WDR17: variants seen among roughly 807,000 people sequenced by gnomAD.
WDR17 encodes the protein WD repeat-containing protein 17.
A neutral mutation model predicts 161.7 loss-of-function variants in WDR17; 143 were observed. The ratio of observed to expected loss-of-function variants is 0.88; its 90% CI spans 0.77 to 1.02. The LOEUF is 1.02. WDR17 is among the 50% of genes least tolerant of loss of function. The pLI is 0.00. For synonymous variants in WDR17, 517 were observed against 515.6 expected (o/e 1.00, Z -0.04); for missense variants, 1,469 against 1,520.9 (o/e 0.97, Z 0.57).
intron 1 of WDR17, among the ~76,000 whole-genome samples, chr4:176,104,686 G>A (rs1738405678): frequency 6.6e-6 from 1 of 151,992 alleles, no homozygotes; most frequent in Non-Finnish European, 1.5e-5. Flanking sequence ...TGTAACTTTA[G>A]CATGTTAAGT....
At chr4:176,129,726 G>A (rs1561145603) in intron 6 of WDR17, among the ~76,000 whole-genome samples, 3 of 152,150 alleles carry the variant, frequency 2.0e-5, no homozygotes, top group African/African-American at 4.8e-5. Context: ...ATGGCAAGTA[G>A]TAGAAAATCT....
chr4:176,163,965 G>A (rs1210158756), intron 22 of WDR17, among the ~76,000 whole-genome samples: 1 of 152,032 alleles, frequency 6.6e-6, no homozygotes. Context: ...CAAATACTTA[G>A]GATCTCAAGA....
intron 25 of WDR17, 124 bp downstream of exon 25, chr4:176,173,493 ATAT>A (rs1751036614): frequency 1.8e-6 from 1 of 570,012 alleles, no homozygotes; most frequent in Non-Finnish European, 3.0e-6. Context: ...ACTTGTAGAA[ATAT>A]TATATTTTTG....
At chr4:176,173,863 A>T (rs1022077195) in intron 25 of WDR17, among the ~76,000 whole-genome samples, 95 of 151,442 alleles carry the variant, frequency 6.3e-4, no homozygotes, top group African/African-American at 2.2e-3. Flanking sequence ...CTTGAAACAG[A>T]GTATTAAATA....
chr4:176,106,021 AC>A (rs1331116369), intron 1 of WDR17, among the ~76,000 whole-genome samples: 16 of 152,060 alleles, frequency 1.1e-4, no homozygotes, highest in Admixed American at 6.5e-4. Context: ...GAAATTAAAA[AC>A]GTTATAAGAT....
chr4:176,161,996 A>G, intron 20 of WDR17, 79 bp from the exon 21 acceptor site: 1 of 1,227,404 alleles, frequency 8.1e-7, no homozygotes, highest in Non-Finnish European at 1.1e-6. Flanking sequence ...TCTTTTTATC[A>G]TACCTTTTAA....
intron 1 of WDR17, among the ~76,000 whole-genome samples, chr4:176,085,604 ATTC>A (rs1735325671): frequency 6.6e-6 from 1 of 152,022 alleles, no homozygotes; most frequent in South Asian, 2.1e-4. Context: ...TGGATATAGT[ATTC>A]TTATTTTTTT....
At chr4:176,178,066 A>T (rs1751731744) in intron 28 of WDR17, among the ~76,000 whole-genome samples, 1 of 146,090 alleles carries the variant, frequency 6.8e-6, no homozygotes. Flanking sequence ...CAGCTTATTG[A>T]GCAGATTCTT....
intron 13 of WDR17, among the ~76,000 whole-genome samples, chr4:176,149,580 G>A (rs971189011): frequency 1.3e-5 from 2 of 151,874 alleles, no homozygotes; most frequent in Admixed American, 1.3e-4. Context: ...GCCTCTAATG[G>A]TTATTCAATT....
Position 176,151,972 on chromosome 4 carries a change from T to G in WDR17, c.2460+5T>G. ...CTTATGGTTGAACTTGGAGAGGTAATGTGCTATGAAAGTAAAACTAATGAG... is the reference window on the plus strand; with the variant it reads ...CTTATGGTTGAACTTGGAGAGGTAAGGTGCTATGAAAGTAAAACTAATGAG... On this transcript the variant is annotated splice_donor_5th_base_variant and intron_variant, in intron 17 of 28. Transcript: ENST00000508596. The G allele has an allele frequency of 6.2e-7, 1 of 1,609,820 alleles. No homozygotes were observed. Among genetic ancestry groups the G allele is most frequent in the Non-Finnish European group, 8.5e-7 (1 of 1,178,966 alleles).
chr4:176,162,156 T>A lies in WDR17; in HGVS notation c.2832T>A (p.Leu944=). ...GRAVLAACCH[L]AIDNIELAMA... ...CAGTACTAGCCGCATGTTGCCATCT[T>A]GCCATAGATAATATTGAGGTACGAC... Residue 944 remains leucine (L), a synonymous_variant, in exon 21 of 29, where the codon CTT becomes CTA. Coordinates refer to ENST00000508596, the MANE Select transcript of WDR17 (RefSeq NM_181265.4). 1 of 1,612,888 alleles carries A rather than the reference T, an allele frequency of 6.2e-7. No individual in the cohort carries two copies. The highest frequency in any genetic ancestry group is 8.5e-7 in the Non-Finnish European group (1 of 1,179,280).
At chr4:176,074,372 T>G (rs142990431) in intron 1 of WDR17, among the ~76,000 whole-genome samples, 1 of 98,304 alleles carries the variant, frequency 1.0e-5, no homozygotes, top group African/African-American at 3.2e-5. Context: ...TCTTGAGAGA[T>G]ATATATAAAA....
intron 11 of WDR17, 131 bp downstream of exon 11, chr4:176,142,200 A>T (rs1023256059): frequency 3.7e-6 from 2 of 543,964 alleles, no homozygotes; most frequent in African/African-American, 3.8e-5. Context: ...TGCCTAGCAA[A>T]TGAGAAACAG....
Position 176,090,084 on chromosome 4 carries a change from T to C in WDR17, c.-6-21491T>C, listed in dbSNP as rs568949993. Reference sequence around the variant, plus strand: ...TATTAGAGTAGGGCAGTGCTATAGATTGGATGTTTATCCCTGAAAAATCCA... The same window carrying C: ...TATTAGAGTAGGGCAGTGCTATAGACTGGATGTTTATCCCTGAAAAATCCA... On this transcript the variant is annotated intron_variant, in intron 1 of 28. Transcript: ENST00000508596. 4.6e-5 allele frequency among the ~76,000 whole-genome samples: 7 copies of C among 152,232 alleles called. No homozygotes were observed. The South Asian group carries it at 1.0e-3, about 23-fold the overall frequency.
intron 1 of WDR17, among the ~76,000 whole-genome samples, chr4:176,074,816 T>G (rs564249644): frequency 4.9e-5 from 7 of 143,734 alleles, no homozygotes; most frequent in Admixed American, 1.4e-4. Context: ...AATGCTTTTT[T>G]TTTTTTTTTT....
chr4:176,142,078 T>G lies in WDR17; in HGVS notation c.1529+9T>G, dbSNP rs777529047. 9 of 1,597,778 alleles carry G rather than the reference T, an allele frequency of 5.6e-6. No individual in the cohort carries two copies. The highest frequency in any genetic ancestry group is 1.7e-5 in the Admixed American group (1 of 57,384). On this transcript the variant is annotated intron_variant, in intron 11 of 28. Transcript: ENST00000508596. ...TGGAGCCAAAACAATAAGTAAGTGG[T>G]TTTTTTTCCTGAAATAAATAATAAC...
intron 1 of WDR17, among the ~76,000 whole-genome samples, chr4:176,108,030 C>T (rs1478595742): frequency 2.0e-5 from 3 of 151,284 alleles, no homozygotes; most frequent in African/African-American, 7.3e-5. Flanking sequence ...CTGCCCTCCC[C>T]ACTTGCCTCC....
intron 1 of WDR17, among the ~76,000 whole-genome samples, chr4:176,084,348 G>A (rs1241694324): frequency 6.6e-6 from 1 of 152,064 alleles, no homozygotes; most frequent in East Asian, 1.9e-4. Context: ...AGGAGCTGGG[G>A]GTGCCAGGGT....
intron 6 of WDR17, 56 bp downstream of exon 6, chr4:176,128,916 AAAT>A: frequency 2.4e-6 from 2 of 831,430 alleles, no homozygotes; most frequent in Non-Finnish European, 3.2e-6. Context: ...GTTTTCTATC[AAAT>A]AAAATGGTAT....
Sources: gnomAD v4.1 joint callset for allele counts (sites outside exome capture counted in the v4.1 genomes callset) on GRCh38, gnomAD v4.1.1 for gene constraint, MANE v1.5 for transcripts, NCBI Gene and HGNC (gene_info 2026-07-23, HGNC 2026-07-21) for gene names.